Variants in RYR3 observed in about 807,000 individuals in gnomAD.
The protein encoded by RYR3 is brain ryanodine receptor-calcium release channel.
RYR3 carries 207 observed loss-of-function variants against 584.3 expected under a neutral mutation model. The ratio of observed to expected loss-of-function variants is 0.35; its 90% CI spans 0.32 to 0.40. The LOEUF (loss-of-function observed/expected upper bound fraction) is 0.40, where lower values mean the gene tolerates loss of function less well. Ranked by LOEUF, RYR3 falls within the 10% of genes least tolerant of loss-of-function variation. The probability of loss-of-function intolerance (pLI) is 1.00; values close to 1 mark genes in which losing one functional copy is unlikely to be tolerated. For missense variants in RYR3, 5,616 were observed against 6,089.2 expected, an observed-to-expected ratio of 0.92 and a Z score of 2.59; for synonymous variants, 2,416 against 2,248.5, an observed-to-expected ratio of 1.07 and a Z score of -2.11.
intron 1 of RYR3, among the ~76,000 whole-genome samples, chr15:33,333,066 C>CA (rs1195937254): frequency 0.21 from 11,822 of 55,332 alleles, 921 homozygotes; most frequent in Middle Eastern, 0.24. Flanking sequence ...GCCTACCAAC[C>CA]AAAAAAAAAA....
intron 3 of RYR3, among the ~76,000 whole-genome samples, chr15:33,521,316 A>C (rs995598689): frequency 6.6e-6 from 1 of 152,056 alleles, no homozygotes; most frequent in Non-Finnish European, 1.5e-5. Context: ...GAGAATTTAC[A>C]CCTTCTCAAA....
At chr15:33,358,245 G>T (rs551344262) in intron 1 of RYR3, among the ~76,000 whole-genome samples, 1 of 152,284 alleles carries the variant, frequency 6.6e-6, no homozygotes, top group East Asian at 1.9e-4. Flanking sequence ...AAGCTGCCAG[G>T]TCCCCAGAAA....
intron 3 of RYR3, among the ~76,000 whole-genome samples, chr15:33,528,767 T>G (rs964355360): frequency 3.3e-5 from 5 of 152,224 alleles, no homozygotes; most frequent in African/African-American, 4.8e-5. Flanking sequence ...AAACCACTTT[T>G]GCCATTCTAG....
intron 62 of RYR3, among the ~76,000 whole-genome samples, chr15:33,770,987 A>G (rs1439129873): frequency 1.3e-5 from 2 of 152,196 alleles, no homozygotes; most frequent in Non-Finnish European, 2.9e-5. Context: ...GTTTTGAGGG[A>G]AGGCTTCAAA....
chr15:33,789,431 G>A lies in RYR3; in HGVS notation c.9830+973G>A, dbSNP rs145956807. 2.6e-5 allele frequency among the ~76,000 whole-genome samples: 4 copies of A among 151,190 alleles called. No homozygotes were observed. In the East Asian group the frequency reaches 7.8e-4, roughly 30 times the overall value. On this transcript the variant is annotated intron_variant, in intron 67 of 103. Coordinates refer to ENST00000634891, the MANE Select transcript of RYR3 (RefSeq NM_001036.6). ...AATGTGATCCATAGAAACTGAAAGT[G>A]GATTAGCAGTGTCAGGGGTGGGAGA...
In RYR3 at chr15:33,825,559, A is replaced by AGCGT. The variant is rs768673205; in HGVS notation, c.11073-39_11073-36dup. On this transcript the variant is annotated intron_variant, in intron 81 of 103. Transcript: ENST00000634891. The stretch of plus-strand genomic sequence containing the variant: ...ATTAACATTAGAAATCTGCTTTCCC[A>AGCGT]GCGTGCGTAGCCCTGAACCTTGTTT... 3.1e-6 allele frequency: 4 copies of AGCGT among 1,285,090 alleles called. No homozygotes were observed. In the African/African-American group the frequency reaches 5.9e-5, roughly 19 times the overall value. The allele number at this position is 1,285,090 out of a possible 1,614,324, so 79.6% of individuals were successfully genotyped here. A position where few individuals can be genotyped will look rare whatever the true frequency, so the allele number is the denominator to read the frequency against.
intron 27 of RYR3, among the ~76,000 whole-genome samples, chr15:33,637,950 C>T (rs757037953): frequency 2.6e-5 from 4 of 152,120 alleles, no homozygotes; most frequent in African/African-American, 9.7e-5. Context: ...TATCCCTCCC[C>T]GCTCCCCCCA....
chr15:33,448,221 C>T (rs900547051), intron 1 of RYR3, among the ~76,000 whole-genome samples: 4 of 152,180 alleles, frequency 2.6e-5, no homozygotes, highest in East Asian at 1.9e-4. Context: ...AGAAAGCAGA[C>T]GTCTGGCCAG....
chr15:33,372,126 TGAA>T (rs1236874675), intron 1 of RYR3, among the ~76,000 whole-genome samples: 1 of 152,184 alleles, frequency 6.6e-6, no homozygotes, highest in East Asian at 1.9e-4. Context: ...AGCACTGCTG[TGAA>T]GGAGATAGGA....
chr15:33,465,720 T>C (rs2048428453), intron 1 of RYR3: 1 of 519,006 alleles, frequency 1.9e-6, no homozygotes, highest in Non-Finnish European at 3.8e-6. Context: ...ACAATAGTTG[T>C]GACAAGAGAT....
chr15:33,827,094 T>C, intron 84 of RYR3, 105 bp from the exon 85 acceptor site: 5 of 961,528 alleles, frequency 5.2e-6, no homozygotes, highest in Middle Eastern at 2.1e-4. Context: ...GGTATTCTTG[T>C]AAGCCTTTTC....
At chr15:33,453,525 C>T (rs1293726712) in intron 1 of RYR3, among the ~76,000 whole-genome samples, 1 of 152,124 alleles carries the variant, frequency 6.6e-6, no homozygotes, top group Non-Finnish European at 1.5e-5. Flanking sequence ...ATAAGACCTA[C>T]AACAGTTCTG....
At chr15:33,800,746 C>G (rs1219670776) in intron 67 of RYR3, 24 bp from the exon 68 acceptor site, 1 of 1,551,474 alleles carries the variant, frequency 6.4e-7, no homozygotes, top group Non-Finnish European at 8.9e-7. Context: ...TTTCAAATGC[C>G]TGTTTATTTA....
chr15:33,533,270 G>A lies in RYR3; in HGVS notation c.355-41G>A, dbSNP rs375247685. 8 of 1,384,002 alleles carry A rather than the reference G, an allele frequency of 5.8e-6. No homozygotes were observed. In the African/African-American group the frequency reaches 9.9e-5, roughly 17 times the overall value. The allele number at this position is 1,384,002 out of a possible 1,614,324, so 85.7% of individuals were successfully genotyped here. Reference sequence around the variant, plus strand: ...TAGTGGTAAGATACCAAGACTCAATGGAAGAGTGTGACTTCACTAGTATTT... The same window carrying A: ...TAGTGGTAAGATACCAAGACTCAATAGAAGAGTGTGACTTCACTAGTATTT... On this transcript the variant is annotated intron_variant, in intron 4 of 103. Coordinates refer to ENST00000634891, the MANE Select transcript of RYR3 (RefSeq NM_001036.6).
chr15:33,353,376 C>T (rs946730143), intron 1 of RYR3, among the ~76,000 whole-genome samples: 7 of 152,150 alleles, frequency 4.6e-5, no homozygotes, highest in Non-Finnish European at 8.8e-5. Flanking sequence ...AGCAGAGAAA[C>T]ATGTTAGGGA....
Position 33,634,717 on chromosome 15 carries a change from A to G in RYR3, c.3159A>G (p.Pro1053=), listed in dbSNP as rs1471386563. Reference sequence around the variant, plus strand: ...TTGGTTACGGGTATAACATTGAGCCATCAGACCAAGAACTAGGTAATGAGT... The same window carrying G: ...TTGGTTACGGGTATAACATTGAGCCGTCAGACCAAGAACTAGGTAATGAGT... ...TFVGYGYNIE[P]SDQELADSAV... The change falls in exon 25 of 104, where the codon CCA becomes CCG. Residue 1053 remains proline (P), a synonymous_variant. Transcript: ENST00000634891. 3.7e-6 allele frequency: 6 copies of G among 1,614,004 alleles called. No homozygotes were observed. The highest frequency in any genetic ancestry group is 3.4e-6 in the Non-Finnish European group (4 of 1,179,874).
chr15:33,822,945 C>G (rs1596814751), intron 80 of RYR3, 51 bp from the exon 81 acceptor site: 1 of 1,492,716 alleles, frequency 6.7e-7, no homozygotes, highest in East Asian at 2.3e-5. Context: ...AGGGTCAGCT[C>G]TGTGGTATAG....
rs191637587 is a variant in RYR3 at position 33,838,417 on chromosome 15, G to T, written c.12437G>T (p.Cys4146Phe). Residue 4146 changes from cysteine (C) to phenylalanine (F), a missense_variant, in exon 89 of 104, where the codon TGT (cysteine) becomes TTT (phenylalanine). By Grantham distance (205) the Cys-to-Phe change is radical. This residue lies in a region of RYR3 where 918 missense variants were observed against 887.4 expected (regional missense o/e 1.03). Coordinates refer to ENST00000634891, the MANE Select transcript of RYR3 (RefSeq NM_001036.6). The stretch of plus-strand genomic sequence containing the variant: ...CCGGCCTCTGCATTTGCTATGGCCT[G>T]TGCCTCTGTGAAGAGGAATGTCACC... The part of the protein sequence containing the change: ...LEPASAFAMA[C>F]ASVKRNVTDF... 36 of 1,614,026 alleles carry T rather than the reference G, an allele frequency of 2.2e-5. 1 individual carries two copies. The Admixed American group carries it at 4.7e-4, about 21-fold the overall frequency.
At chr15:33,333,717 T>C (rs1331751432) in intron 1 of RYR3, among the ~76,000 whole-genome samples, 1 of 152,124 alleles carries the variant, frequency 6.6e-6, no homozygotes, top group Non-Finnish European at 1.5e-5. Flanking sequence ...GAGAAAGAAA[T>C]AAAGGGCATT....
Sources: allele counts gnomAD v4.1 joint callset (sites outside exome capture counted in the v4.1 genomes callset), GRCh38; gene constraint gnomAD v4.1.1; regional missense constraint gnomAD v4.1.1; transcripts MANE v1.5; gene names NCBI Gene and HGNC (gene_info 2026-07-23, HGNC 2026-07-21).